KIF16B: variants seen among roughly 807,000 people sequenced by gnomAD.
The protein encoded by KIF16B is kinesin-like protein KIF16B.
KIF16B carries 98 observed loss-of-function variants against 156.3 expected under a neutral mutation model. The ratio of observed to expected loss-of-function variants is 0.63; its 90% CI spans 0.53 to 0.74. The LOEUF (loss-of-function observed/expected upper bound fraction) is 0.74, where lower values mean the gene tolerates loss of function less well. Among genes scored for constraint, KIF16B ranks in the 30% least tolerant of loss-of-function variants. KIF16B has a pLI of 0.00. For synonymous variants in KIF16B, 564 were observed against 583.7 expected (o/e 0.97, Z 0.49); for missense variants, 1,421 against 1,606.5 (o/e 0.88, Z 1.97).
intron 1 of KIF16B, among the ~76,000 whole-genome samples, chr20:16,531,870 C>T (rs545099485): frequency 1.3e-5 from 2 of 152,156 alleles, no homozygotes; most frequent in East Asian, 3.9e-4. Context: ...GGGTTCGAGA[C>T]CAGCCTGGCC....
intron 24 of KIF16B, among the ~76,000 whole-genome samples, chr20:16,327,377 G>A (rs1601578212): frequency 1.3e-5 from 2 of 151,928 alleles, no homozygotes; most frequent in African/African-American, 4.8e-5. Context: ...CAAAATCTCA[G>A]AAATCGCCAC....
chr20:16,497,210 A>T (rs1461967266), intron 11 of KIF16B, among the ~76,000 whole-genome samples: 2 of 152,192 alleles, frequency 1.3e-5, no homozygotes, highest in Non-Finnish European at 2.9e-5. Flanking sequence ...GAGATTCCTC[A>T]AGTGCCACTC....
At chr20:16,312,525 G>C (rs1007306883) in intron 24 of KIF16B, 107 bp from the exon 25 acceptor site, 4 of 869,318 alleles carry the variant, frequency 4.6e-6, no homozygotes, top group Admixed American at 4.4e-5. Flanking sequence ...AAAGAAAGAG[G>C]CTGAAAGTTT....
intron 10 of KIF16B, among the ~76,000 whole-genome samples, chr20:16,501,098 C>T (rs948722960): frequency 1.3e-5 from 2 of 151,690 alleles, no homozygotes; most frequent in African/African-American, 4.8e-5. Flanking sequence ...CTTCATCAAT[C>T]GCCTGAGAAG....
intron 17 of KIF16B, among the ~76,000 whole-genome samples, chr20:16,391,635 A>G (rs2065368652): frequency 6.6e-6 from 1 of 152,238 alleles, no homozygotes; most frequent in Non-Finnish European, 1.5e-5. Context: ...GGGATGAGCC[A>G]GGCCACAGGC....
At chr20:16,504,117 C>G (rs541827977) in intron 10 of KIF16B, among the ~76,000 whole-genome samples, 1 of 152,206 alleles carries the variant, frequency 6.6e-6, no homozygotes, top group Non-Finnish European at 1.5e-5. Context: ...AGTACATTTC[C>G]ATTCATAATT....
chr20:16,456,789 G>C (rs1434721298), intron 12 of KIF16B, among the ~76,000 whole-genome samples: 1 of 152,122 alleles, frequency 6.6e-6, no homozygotes, highest in Non-Finnish European at 1.5e-5. Flanking sequence ...CTGGCTTGGA[G>C]AAGAACATGA....
In KIF16B at chr20:16,512,908, T is replaced by C; in HGVS notation, c.364A>G (p.Ile122Val). 1 of 1,611,560 alleles carries C rather than the reference T, an allele frequency of 6.2e-7. No individual in the cohort carries two copies. Among genetic ancestry groups the C allele is most frequent in the Non-Finnish European group, 8.5e-7 (1 of 1,177,680 alleles). ...AAGAGTCCTTCACAGATCCGAGGTA[T>C]TAAGCCAGAATCTCCCTGCATGGGA... ...MMGNSGDSGL[I>V]PRICEGLFSR... The change falls in exon 5 of 26, where the codon ATA (isoleucine) becomes GTA (valine). Residue 122 changes from isoleucine (I) to valine (V), a missense_variant. Ile to Val is a conservative substitution (Grantham distance 29). Coordinates refer to ENST00000354981, the MANE Select transcript of KIF16B (RefSeq NM_024704.5).
intron 17 of KIF16B, among the ~76,000 whole-genome samples, chr20:16,391,427 A>G (rs1355228281): frequency 6.6e-6 from 1 of 152,208 alleles, no homozygotes; most frequent in African/African-American, 2.4e-5. Context: ...TCTCAGCAAA[A>G]GAAATCAAGT....
At chr20:16,305,538 T>C (rs915567590) in intron 25 of KIF16B, among the ~76,000 whole-genome samples, 4 of 152,242 alleles carry the variant, frequency 2.6e-5, no homozygotes, top group African/African-American at 7.2e-5. Context: ...GTTAGAAACA[T>C]TGCAATTCAT....
chr20:16,353,586 G>C (rs756381743), intron 23 of KIF16B, among the ~76,000 whole-genome samples: 13 of 152,126 alleles, frequency 8.5e-5, no homozygotes, highest in East Asian at 1.9e-4. Context: ...ATGAGGGGGG[G>C]GTTTATGATT....
At chr20:16,536,583 G>A (rs1012352045) in intron 1 of KIF16B, among the ~76,000 whole-genome samples, 27 of 152,156 alleles carry the variant, frequency 1.8e-4, no homozygotes, top group African/African-American at 6.5e-4. Flanking sequence ...CCATAAATAT[G>A]TACACAAATA....
chr20:16,354,914 C>G (rs564754870), intron 23 of KIF16B, among the ~76,000 whole-genome samples: 3 of 152,130 alleles, frequency 2.0e-5, no homozygotes, highest in South Asian at 2.1e-4. Context: ...CCACTGCACT[C>G]CAGCCTGGGC....
At chr20:16,569,507 T>C (rs2071382662) in intron 1 of KIF16B, among the ~76,000 whole-genome samples, 1 of 152,198 alleles carries the variant, frequency 6.6e-6, no homozygotes, top group African/African-American at 2.4e-5. Flanking sequence ...TCATCACATC[T>C]TGGCCTGAAT....
chr20:16,273,527 C>T (rs1039657941), intron 25 of KIF16B, 116 bp from the exon 26 acceptor site: 2 of 774,110 alleles, frequency 2.6e-6, no homozygotes, highest in Non-Finnish European at 4.2e-6. Flanking sequence ...CTCATCTCTA[C>T]AAAAAATAAA....
At chr20:16,420,602 ATC>A (rs951114143) in intron 15 of KIF16B, among the ~76,000 whole-genome samples, 13 of 152,278 alleles carry the variant, frequency 8.5e-5, no homozygotes, top group African/African-American at 2.9e-4. Flanking sequence ...ATGGCTAGGA[ATC>A]ATTGTGACTT....
intron 12 of KIF16B, among the ~76,000 whole-genome samples, chr20:16,461,801 A>G (rs1031250589): frequency 1.3e-5 from 2 of 152,222 alleles, no homozygotes; most frequent in Non-Finnish European, 2.9e-5. Context: ...ATTAGAGAAG[A>G]GACATGAATT....
intron 23 of KIF16B, among the ~76,000 whole-genome samples, chr20:16,341,878 G>A (rs1366329598): frequency 6.6e-6 from 1 of 152,168 alleles, no homozygotes; most frequent in Non-Finnish European, 1.5e-5. Context: ...CGGCATTTAG[G>A]GACTTTCCTA....
chr20:16,385,847 T>C (rs904039537), intron 17 of KIF16B, among the ~76,000 whole-genome samples: 2 of 152,208 alleles, frequency 1.3e-5, no homozygotes, highest in Non-Finnish European at 1.5e-5. Context: ...ATTCTCACAA[T>C]GACCCTGTGA....
Sources: allele counts gnomAD v4.1 joint callset (sites outside exome capture counted in the v4.1 genomes callset), GRCh38; gene constraint gnomAD v4.1.1; transcripts MANE v1.5; gene names NCBI Gene and HGNC (gene_info 2026-07-23, HGNC 2026-07-21).